The following PSMD3 variants were observed in gnomAD, a reference collection of about 807,000 sequenced individuals.
PSMD3 encodes the protein proteasome 26S subunit, non-ATPase 3.
A neutral mutation model predicts 62.8 loss-of-function variants in PSMD3; 5 were observed. The observed-to-expected ratio is 0.08, with a 90% CI of 0.04 to 0.17. The LOEUF (loss-of-function observed/expected upper bound fraction) is 0.17, where lower values mean the gene tolerates loss of function less well. Among genes scored for constraint, PSMD3 ranks in the 10% least tolerant of loss-of-function variants. PSMD3 has a pLI of 1.00. For missense variants in PSMD3, 524 were observed against 713.6 expected (o/e 0.73, Z 3.03); for synonymous variants, 265 against 283.9 (o/e 0.93, Z 0.67).
rs763249659 is a variant in PSMD3 at position 39,996,240 on chromosome 17, T to A, written c.1378T>A (p.Ser460Thr). ...SINHEKGYVQ[S>T]KEMIDIYSTR... ...CAACCACGAGAAGGGCTATGTCCAA[T>A]CCAAGGAGATGATTGACATCTATTC... The change falls in exon 10 of 12, where the codon TCC (serine) becomes ACC (threonine). Residue 460 changes from serine to threonine, a missense_variant. Physicochemically the swap from Ser to Thr is moderately conservative, Grantham distance 58. Coordinates refer to ENST00000264639, the MANE Select transcript of PSMD3 (RefSeq NM_002809.4). This position sits in a 1 kb window ranked among gnomAD's most constrained non-coding sequence, Gnocchi z 5.1. The A allele has an allele frequency of 2.1e-5, 34 of 1,613,878 alleles. No homozygotes were observed. The highest frequency in any genetic ancestry group is 1.7e-4 in the Middle Eastern group (1 of 6,042).
rs11078929 is a variant in PSMD3, at chr17:39,983,981, C to T, written c.221-313C>T. Among the ~76,000 whole-genome samples the T allele has an allele frequency of 3.5e-3, 529 of 152,028 alleles. 5 individuals carry two copies. The highest frequency in any genetic ancestry group is 0.012 in the African/African-American group (490 of 41,462). ...TTGGGAGGCCAAGGCGGGCAGATCA[C>T]GAGGTCAGGAGATCGAGACCATCCT... On this transcript the variant is annotated intron_variant, in intron 1 of 11. Coordinates refer to ENST00000264639, the MANE Select transcript of PSMD3 (RefSeq NM_002809.4).
chr17:39,989,567 C>G (rs1980605224), intron 4 of PSMD3, among the ~76,000 whole-genome samples, 172 bp from the exon 5 acceptor site: 1 of 152,218 alleles, frequency 6.6e-6, no homozygotes, highest in African/African-American at 2.4e-5. Context: ...CCCTTTGTCG[C>G]ACCCAGAATA....
In PSMD3 at chr17:39,994,942, C is replaced by T; in HGVS notation, c.982-12C>T. ...CTCCCTGCCCACTGTGTTCCCCTGT[C>T]ACTCTGTCCAGGTGCACAAGCTTCT... On this transcript the variant is annotated splice_polypyrimidine_tract_variant and intron_variant, in intron 6 of 11. Transcript: ENST00000264639. 6.2e-7 allele frequency: 1 copy of T among 1,612,570 alleles called. No homozygotes were observed. The highest frequency in any genetic ancestry group is 1.1e-5 in the South Asian group (1 of 91,050).
Position 39,995,214 on chromosome 17 carries a change from C to A in PSMD3, c.1135C>A (p.Leu379Met). The A allele has an allele frequency of 1.2e-6, 2 of 1,614,148 alleles. No individual in the cohort carries two copies. Among genetic ancestry groups the A allele is most frequent in the Non-Finnish European group, 1.7e-6 (2 of 1,180,024 alleles). The change falls in exon 8 of 12, where the codon CTG becomes ATG. Residue 379 changes from leucine (L) to methionine (M), a missense_variant. Coordinates refer to ENST00000264639, the MANE Select transcript of PSMD3 (RefSeq NM_002809.4). The surrounding 1 kb of genome is among the most constrained non-coding windows in gnomAD (Gnocchi z 4.1). ...TGNLAKFNQV[L>M]DQFGEKFQAD... ...AAACCTAGCCAAGTTCAACCAGGTC[C>A]TGGATCAGTTTGGGGAGAAGTTTCA... is the stretch of plus-strand genomic sequence containing the variant.
rs1017725267 is a variant in PSMD3 at position 39,995,732 on chromosome 17, T to C, written c.1320+205T>C. 59 of 600,336 alleles carry C rather than the reference T, an allele frequency of 9.8e-5. No homozygotes were observed. The highest frequency in any genetic ancestry group is 2.4e-5 in the Non-Finnish European group (8 of 335,142). 37.2% of individuals were successfully genotyped at this position (600,336 alleles called of 1,614,324 possible). A position where few individuals can be genotyped will look rare whatever the true frequency, so the allele number is the denominator to read the frequency against. On this transcript the variant is annotated intron_variant, in intron 9 of 11. Coordinates refer to ENST00000264639, the MANE Select transcript of PSMD3 (RefSeq NM_002809.4). This position sits in a 1 kb window ranked among gnomAD's most constrained non-coding sequence, Gnocchi z 4.1. ...ATGTGAGTGTGTGAGTGTAGGTGTGTGCACATGTTGAGTTTATGATAGTGC... is the reference window on the plus strand; with the variant it reads ...ATGTGAGTGTGTGAGTGTAGGTGTGCGCACATGTTGAGTTTATGATAGTGC...
At chr17:39,985,363 G>A (rs1415670358) in intron 2 of PSMD3, among the ~76,000 whole-genome samples, 5 of 152,236 alleles carry the variant, frequency 3.3e-5, no homozygotes, top group African/African-American at 9.6e-5. Context: ...TTTGTTAAAC[G>A]TGATGAACGG....
Position 39,997,612 on chromosome 17 carries a change from G to A in PSMD3, c.*31G>A. The A allele has an allele frequency of 6.4e-7, 1 of 1,573,154 alleles. No homozygotes were observed. The highest frequency in any genetic ancestry group is 8.7e-7 in the Non-Finnish European group (1 of 1,145,334). On this transcript the variant is annotated 3_prime_UTR_variant, in exon 12 of 12. Coordinates refer to ENST00000264639, the MANE Select transcript of PSMD3 (RefSeq NM_002809.4). ...GGGGCTGGGGAGGGGTAGGGGGAAT[G>A]GGGACAGGCTCTTTCCCCCTTGGGG...
rs1980747964 is a variant in PSMD3, at chr17:39,995,012, A to G, written c.1040A>G (p.Gln347Arg). 1 of 1,614,008 alleles carries G rather than the reference A, an allele frequency of 6.2e-7. No individual in the cohort carries two copies. The highest frequency in any genetic ancestry group is 1.3e-5 in the African/African-American group (1 of 74,910). Reference protein sequence around the residue: ...LLLGEIPDRLQFRQPSLKRSL... With the variant: ...LLLGEIPDRLRFRQPSLKRSL... ...CTGGGGGAGATCCCTGACCGGCTGCAGTTCCGCCAGCCCTCCCTCAAGCGC... is the reference window on the plus strand; with the variant it reads ...CTGGGGGAGATCCCTGACCGGCTGCGGTTCCGCCAGCCCTCCCTCAAGCGC... The change falls in exon 7 of 12, where the codon CAG becomes CGG. Residue 347 changes from glutamine (Q) to arginine (R), a missense_variant. By Grantham distance (43) the Gln-to-Arg change is conservative (BLOSUM62 1). Transcript: ENST00000264639. This position sits in a 1 kb window ranked among gnomAD's most constrained non-coding sequence, Gnocchi z 4.1.
intron 2 of PSMD3, among the ~76,000 whole-genome samples, chr17:39,986,343 G>T (rs1598312145): frequency 6.6e-6 from 1 of 152,094 alleles, no homozygotes; most frequent in African/African-American, 2.4e-5. Flanking sequence ...GCATTCTCCT[G>T]CCTCAGCCTT....
chr17:39,985,685 T>G (rs1241736315), intron 2 of PSMD3, among the ~76,000 whole-genome samples: 1 of 152,240 alleles, frequency 6.6e-6, no homozygotes, highest in Non-Finnish European at 1.5e-5. Flanking sequence ...GGGAAAAGCG[T>G]ACTGTTCCCC....
At chr17:39,990,324 A>C in intron 6 of PSMD3, 127 bp downstream of exon 6, 3 of 782,384 alleles carry the variant, frequency 3.8e-6, no homozygotes, top group Non-Finnish European at 2.0e-6. Context: ...CAGCTTCCCA[A>C]AGTGCTGGGA....
chr17:39,986,600 A>G lies in PSMD3; in HGVS notation c.437A>G (p.Gln146Arg). 1 of 1,614,198 alleles carries G rather than the reference A, an allele frequency of 6.2e-7. No homozygotes were observed. Among genetic ancestry groups the G allele is most frequent in the Non-Finnish European group, 8.5e-7 (1 of 1,180,028 alleles). The change falls in exon 3 of 12, where the codon CAG becomes CGG. Residue 146 changes from glutamine (Q) to arginine (R), a missense_variant. Gln to Arg is a conservative substitution (Grantham distance 43, BLOSUM62 1). Coordinates refer to ENST00000264639, the MANE Select transcript of PSMD3 (RefSeq NM_002809.4). ...CCCATGGACACAGAGGCTGATTTAC[A>G]GTTCCGTCCCCGCACGGGAAAAGCT... is the stretch of plus-strand genomic sequence containing the variant. ...EEPMDTEADL[Q>R]FRPRTGKAAS...
intron 2 of PSMD3, among the ~76,000 whole-genome samples, chr17:39,986,298 T>A (rs1160332813): frequency 6.6e-6 from 1 of 152,150 alleles, no homozygotes; most frequent in Non-Finnish European, 1.5e-5. Context: ...GGTCTCACTG[T>A]GTTGCCCAGA....
chr17:39,991,854 C>T (rs1393344711), intron 6 of PSMD3, among the ~76,000 whole-genome samples: 3 of 151,762 alleles, frequency 2.0e-5, no homozygotes, highest in South Asian at 2.1e-4. Context: ...ATGGAGACAC[C>T]GCCTCTGCAA....
chr17:39,990,007 TA>T (rs1980617168), intron 5 of PSMD3, 78 bp downstream of exon 5: 1 of 1,570,346 alleles, frequency 6.4e-7, no homozygotes, highest in Non-Finnish European at 8.7e-7. Flanking sequence ...GGGTGGTGCA[TA>T]AGAGGCCCAT....
chr17:39,997,643 C>T lies in PSMD3; in HGVS notation c.*62C>T, dbSNP rs1980818238. On this transcript the variant is annotated 3_prime_UTR_variant, in exon 12 of 12. Transcript: ENST00000264639. ...AGGCTCTTTCCCCCTTGGGGGTCCC[C>T]TGCCCAGGGCACTGTCCCCATTTTC... is the stretch of plus-strand genomic sequence containing the variant. The T allele has an allele frequency of 6.5e-6, 10 of 1,542,130 alleles. No individual in the cohort carries two copies. In the South Asian group the frequency reaches 6.8e-5, roughly 11 times the overall value.
rs144987407 is a variant in PSMD3, at chr17:39,995,500, C to T, written c.1293C>T (p.Pro431=). The change falls in exon 9 of 12, where the codon CCC becomes CCT. Residue 431 remains proline, a synonymous_variant. Transcript: ENST00000264639. The surrounding 1 kb of genome is among the most constrained non-coding windows in gnomAD (Gnocchi z 4.1). The part of the protein sequence containing the change: ...DIAQKLQLDS[P]EDAEFIVAKA... ...CCCAGAAGCTGCAGTTGGATAGCCC[C>T]GAAGATGCAGAGTTCATTGTTGCCA... 199 of 1,613,890 alleles carry T rather than the reference C, an allele frequency of 1.2e-4. 1 individual carries two copies. The South Asian group carries it at 1.4e-3, about 11-fold the overall frequency.
At position 39,981,049 on chromosome 17, in the gene PSMD3, C is replaced by T; in HGVS notation, c.79C>T (p.Pro27Ser). Residue 27 changes from proline to serine, a missense_variant, in exon 1 of 12, where the codon CCA (proline) becomes TCA (serine). Around this residue, in one of 4 missense-constraint regions of PSMD3, gnomAD observed 396 missense variants for 475.8 expected, o/e 0.83. Coordinates refer to ENST00000264639, the MANE Select transcript of PSMD3 (RefSeq NM_002809.4). ...PPPGGGEQEP[P>S]PPPAPQDVEM... ...GCCCGGCGGAGGAGAACAAGAACCC[C>T]CACCGCCGCCGGCCCCCCAGGATGT... The T allele has an allele frequency of 1.3e-6, 2 of 1,549,746 alleles. No homozygotes were observed. Among genetic ancestry groups the T allele is most frequent in the Non-Finnish European group, 1.7e-6 (2 of 1,146,658 alleles).
intron 2 of PSMD3, among the ~76,000 whole-genome samples, chr17:39,985,278 G>C (rs1462463847): frequency 6.6e-6 from 1 of 152,160 alleles, no homozygotes; most frequent in Non-Finnish European, 1.5e-5. Context: ...AGTTGAATTT[G>C]AATCCAAACC....
Sources: gnomAD v4.1 joint callset for allele counts (sites outside exome capture counted in the v4.1 genomes callset) on GRCh38, gnomAD v4.1.1 for gene constraint, gnomAD v4.1.1 regional missense constraint, Gnocchi (gnomAD v3.1) non-coding constraint, MANE v1.5 for transcripts, NCBI Gene and HGNC (gene_info 2026-07-23, HGNC 2026-07-21) for gene names.